TRIM37: variants seen among roughly 807,000 people sequenced by gnomAD.
The protein encoded by TRIM37 is tripartite motif containing 37.
TRIM37 carries 80 observed loss-of-function variants against 129.8 expected under a neutral mutation model. The ratio of observed to expected loss-of-function variants is 0.62; its 90% confidence interval spans 0.51 to 0.74. The LOEUF (loss-of-function observed/expected upper bound fraction) is 0.74. Among genes scored for constraint, TRIM37 ranks in the 30% least tolerant of loss-of-function variants. TRIM37 has a pLI of 0.00. For synonymous variants in TRIM37, 389 were observed against 387.1 expected (o/e 1.00, Z -0.06); for missense variants, 1,054 against 1,176.5 (o/e 0.90, Z 1.52).
At chr17:59,035,771 A>C (rs897943099) in intron 17 of TRIM37, among the ~76,000 whole-genome samples, 8 of 151,878 alleles carry the variant, frequency 5.3e-5, no homozygotes, top group South Asian at 4.1e-4. Context: ...AACCAAAAAA[A>C]CAAAAAAACA....
In TRIM37 at chr17:59,081,936, CCA is replaced by C. The variant is rs1491473926; in HGVS notation, c.370-719_370-718del. 4.0e-3 allele frequency among the ~76,000 whole-genome samples: 203 copies of C among 50,242 alleles called. 3 individuals are homozygous for C. Among genetic ancestry groups the C allele is most frequent in the African/African-American group, 0.022 (199 of 8,982 alleles). 33.0% of individuals were successfully genotyped at this position (50,242 alleles called of 152,430 possible). On this transcript the variant is annotated intron_variant, in intron 5 of 23. Transcript: ENST00000262294. ...AATAATAATTTTTTAATAATAAAAA[CCA>C]AAAAAAAAAAAAAATAAAAAAAAAA...
intron 23 of TRIM37, among the ~76,000 whole-genome samples, chr17:59,000,469 C>T (rs965229710): frequency 6.6e-6 from 1 of 151,996 alleles, no homozygotes; most frequent in African/African-American, 2.4e-5. Context: ...GATGTGGTGG[C>T]ACATGCCTGT....
chr17:59,035,029 T>C (rs900855992), intron 17 of TRIM37, among the ~76,000 whole-genome samples: 1 of 152,168 alleles, frequency 6.6e-6, no homozygotes, highest in African/African-American at 2.4e-5. Flanking sequence ...TGGCTGTATA[T>C]AGAAGTATCT....
At chr17:59,098,812 A>G (rs966233199) in intron 2 of TRIM37, among the ~76,000 whole-genome samples, 4 of 152,174 alleles carry the variant, frequency 2.6e-5, no homozygotes. Flanking sequence ...TCAAACAGAT[A>G]ATTGTTAACA....
intron 23 of TRIM37, among the ~76,000 whole-genome samples, chr17:59,001,335 G>A (rs372695159): frequency 2.6e-5 from 4 of 151,674 alleles, no homozygotes; most frequent in Admixed American, 1.3e-4. Flanking sequence ...TGTGGACCCC[G>A]TCTCTGCCCA....
chr17:59,066,602 C>T (rs982120702), intron 9 of TRIM37, among the ~76,000 whole-genome samples: 1 of 152,182 alleles, frequency 6.6e-6, no homozygotes, highest in Non-Finnish European at 1.5e-5. Flanking sequence ...CAAGAGAGTA[C>T]AGTCCAGTTT....
chr17:58,974,597 A>C, the TRIM37 span, among the ~76,000 whole-genome samples: 2 of 152,214 alleles, frequency 1.3e-5, no homozygotes, highest in Admixed American at 1.3e-4. Flanking sequence ...TTTTTTAAAA[A>C]AGAATAAATC....
At chr17:58,991,085 G>T (rs2032345904) in intron 24 of TRIM37, among the ~76,000 whole-genome samples, 1 of 145,710 alleles carries the variant, frequency 6.9e-6, no homozygotes, top group African/African-American at 2.5e-5. Context: ...TGAGGCAGAA[G>T]AATCATTTAA....
At chr17:59,105,665 A>G (rs1329879886) in intron 1 of TRIM37, among the ~76,000 whole-genome samples, 1 of 152,164 alleles carries the variant, frequency 6.6e-6, no homozygotes, top group East Asian at 1.9e-4. Context: ...TCTCATCATG[A>G]CTCTGTAGGG....
At position 59,064,484 on chromosome 17, in the gene TRIM37, C is replaced by T. The variant is rs1162437474; in HGVS notation, c.810-79G>A. The T allele has an allele frequency of 5.1e-6, 5 of 975,362 alleles. No homozygotes were observed. In the East Asian group the frequency reaches 1.0e-4, roughly 20 times the overall value. 60.4% of individuals were successfully genotyped at this position (975,362 alleles called of 1,614,324 possible). A position where few individuals can be genotyped will look rare whatever the true frequency, so the allele number is the denominator to read the frequency against. On this transcript the variant is annotated intron_variant, in intron 9 of 23. Transcript: ENST00000262294. ...TTGCCTAAAAAAGCCAAGTCCCTCA[C>T]TAGTATCTTAAAAACTTTATTAAAC... is the stretch of plus-strand genomic sequence containing the variant.
chr17:59,007,158 A>AACACACACAC (rs540872393), intron 22 of TRIM37, among the ~76,000 whole-genome samples: 43 of 8,350 alleles, frequency 5.1e-3, no homozygotes, highest in Non-Finnish European at 6.3e-3. Flanking sequence ...CCCACCCTCC[A>AACACACACAC]ACACACACAC....
At chr17:59,033,913 T>C (rs2145680414) in intron 17 of TRIM37, among the ~76,000 whole-genome samples, 1 of 150,482 alleles carries the variant, frequency 6.6e-6, no homozygotes, top group East Asian at 2.0e-4. Context: ...AGGTCAAGAG[T>C]TAGAGACCAG....
At chr17:59,058,679 G>A (rs1354923604) in intron 12 of TRIM37, among the ~76,000 whole-genome samples, 2 of 152,034 alleles carry the variant, frequency 1.3e-5, no homozygotes, top group East Asian at 1.9e-4. Flanking sequence ...GCAACATGGC[G>A]AAACCCCGTC....
intron 24 of TRIM37, among the ~76,000 whole-genome samples, chr17:58,989,739 C>T (rs887358725): frequency 3.3e-5 from 5 of 152,210 alleles, no homozygotes; most frequent in Admixed American, 2.0e-4. Flanking sequence ...TATACAAAAG[C>T]TGTGGGACAG....
the TRIM37 span, among the ~76,000 whole-genome samples, chr17:58,970,078 A>T: frequency 6.6e-6 from 1 of 152,208 alleles, no homozygotes; most frequent in Non-Finnish European, 1.5e-5. Flanking sequence ...CAAGATCTGG[A>T]TATGGTGAAT....
At chr17:59,078,068 T>G (rs2042968261) in intron 7 of TRIM37, among the ~76,000 whole-genome samples, 2 of 151,800 alleles carry the variant, frequency 1.3e-5, no homozygotes, top group South Asian at 4.2e-4. Context: ...GAGGGTGCAA[T>G]GAGCCGAGAT....
chr17:59,047,313 T>C (rs768143685), intron 16 of TRIM37, among the ~76,000 whole-genome samples: 49 of 152,336 alleles, frequency 3.2e-4, no homozygotes, highest in Non-Finnish European at 6.0e-4. Flanking sequence ...AACTATTCTA[T>C]AGTTATGTAA....
At position 59,001,726 on chromosome 17, in the gene TRIM37, G is replaced by A. The variant is rs2033802563; in HGVS notation, c.2696-12C>T. ...GTCGCTACTCATTCCTGGCAGGAAG[G>A]AAGGAGAACATGTTTCTGAAAAGAA... On this transcript the variant is annotated splice_polypyrimidine_tract_variant and intron_variant, in intron 22 of 23. Transcript: ENST00000262294. 3.1e-6 allele frequency: 5 copies of A among 1,613,648 alleles called. No homozygotes were observed. Among genetic ancestry groups the A allele is most frequent in the Non-Finnish European group, 4.2e-6 (5 of 1,179,930 alleles).
At chr17:59,012,227 GCACCACCACCACCAC>G (rs1555639577) in intron 22 of TRIM37, 86 bp downstream of exon 22, 107 of 611,888 alleles carry the variant, frequency 1.7e-4, no homozygotes, top group Non-Finnish European at 2.3e-4. Flanking sequence ...AGCAGCAGCA[GCACCACCACCACCAC>G]CACCACCACC....
Sources: gnomAD v4.1 joint callset for allele counts (sites outside exome capture counted in the v4.1 genomes callset) on GRCh38, gnomAD v4.1.1 for gene constraint, MANE v1.5 for transcripts, NCBI Gene and HGNC (gene_info 2026-07-23, HGNC 2026-07-21) for gene names.